Variants in LTBP1 observed in about 807,000 individuals in gnomAD.
LTBP1 encodes latent-transforming growth factor beta-binding protein 1.
LTBP1 carries 129 observed loss-of-function variants against 207.6 expected under a neutral mutation model. The observed-to-expected ratio is 0.62, with a 90% confidence interval of 0.54 to 0.72. The LOEUF (loss-of-function observed/expected upper bound fraction) is 0.72. LTBP1 is among the 30% of genes least tolerant of loss of function. The pLI is 0.00. For missense variants in LTBP1, 2,281 were observed against 2,217.2 expected, an observed-to-expected ratio of 1.03 and a Z score of -0.58; for synonymous variants, 963 against 833.7, an observed-to-expected ratio of 1.16 and a Z score of -2.67.
At chr2:33,207,235 T>G (rs2089953049) in intron 7 of LTBP1, among the ~76,000 whole-genome samples, 1 of 152,242 alleles carries the variant, frequency 6.6e-6, no homozygotes, top group African/African-American at 2.4e-5. Flanking sequence ...AAAACCATTT[T>G]TGCCTTAGTG....
chr2:33,229,216 T>G (rs1023916552), intron 9 of LTBP1, among the ~76,000 whole-genome samples: 4 of 152,186 alleles, frequency 2.6e-5, no homozygotes, highest in African/African-American at 9.7e-5. Flanking sequence ...ATGCCTGTAT[T>G]CCCAGCACTT....
chr2:33,097,515 C>T lies in LTBP1; in HGVS notation c.864-13067C>T, dbSNP rs143722475. On this transcript the variant is annotated intron_variant, in intron 3 of 33. Coordinates refer to ENST00000404816, the MANE Select transcript of LTBP1 (RefSeq NM_206943.4). The stretch of plus-strand genomic sequence containing the variant: ...TGTATGAAATACACATATCATTTTA[C>T]GCCACTGGAATACCATGTTTTTAAA... 2.6e-4 allele frequency among the ~76,000 whole-genome samples: 39 copies of T among 152,198 alleles called. 1 individual carries two copies. Among genetic ancestry groups the T allele is most frequent in the African/African-American group, 7.0e-4 (29 of 41,532 alleles).
intron 24 of LTBP1, among the ~76,000 whole-genome samples, chr2:33,319,247 A>T (rs1422394024): frequency 6.6e-6 from 1 of 151,968 alleles, no homozygotes; most frequent in Non-Finnish European, 1.5e-5. Flanking sequence ...AAAATACAAA[A>T]ATTAGCTGGG....
At chr2:33,277,599 T>TC (rs1402164929) in intron 18 of LTBP1, among the ~76,000 whole-genome samples, 1 of 151,802 alleles carries the variant, frequency 6.6e-6, no homozygotes, top group Non-Finnish European at 1.5e-5. Flanking sequence ...TCTTTAAATC[T>TC]CCCCCCATCC....
At chr2:33,110,834 G>A in intron 4 of LTBP1, 83 bp downstream of exon 4, 3 of 1,233,922 alleles carry the variant, frequency 2.4e-6, no homozygotes, top group Non-Finnish European at 3.3e-6. Flanking sequence ...CGGCTTTAAT[G>A]TGTCACAGTA....
chr2:33,015,948 C>T (rs1428847759), intron 2 of LTBP1, among the ~76,000 whole-genome samples: 1 of 152,168 alleles, frequency 6.6e-6, no homozygotes, highest in Non-Finnish European at 1.5e-5. Flanking sequence ...ATGGTGCTAA[C>T]CCATTAATGA....
chr2:32,988,612 C>A (rs219148), intron 2 of LTBP1, among the ~76,000 whole-genome samples: 1 of 151,960 alleles, frequency 6.6e-6, no homozygotes, highest in Non-Finnish European at 1.5e-5. Flanking sequence ...GAGTTCACAC[C>A]TCATGGAAAT....
intron 22 of LTBP1, among the ~76,000 whole-genome samples, chr2:33,306,434 G>A (rs1426951624): frequency 1.3e-5 from 2 of 152,150 alleles, no homozygotes; most frequent in African/African-American, 4.8e-5. Flanking sequence ...GCCGGCCGTG[G>A]TGGCAGGCGC....
intron 3 of LTBP1, among the ~76,000 whole-genome samples, chr2:33,080,927 A>G (rs763496482): frequency 6.6e-6 from 1 of 152,280 alleles, no homozygotes; most frequent in Non-Finnish European, 1.5e-5. Flanking sequence ...CTATAATAAA[A>G]GACAGGTTAA....
chr2:33,016,053 A>T (rs1277284911), intron 2 of LTBP1, among the ~76,000 whole-genome samples: 1 of 152,136 alleles, frequency 6.6e-6, no homozygotes, highest in Non-Finnish European at 1.5e-5. Flanking sequence ...ACTCATACCA[A>T]ACCCTGTCAG....
intron 7 of LTBP1, among the ~76,000 whole-genome samples, chr2:33,196,720 G>C (rs2088612092): frequency 6.6e-6 from 1 of 152,164 alleles, no homozygotes; most frequent in Admixed American, 6.5e-5. Context: ...CCTTAGCAGG[G>C]AGGATTGTGA....
Position 33,118,750 on chromosome 2 carries a change from G to A in LTBP1, c.1033+7999G>A, listed in dbSNP as rs529429643. On this transcript the variant is annotated intron_variant, in intron 4 of 33. Coordinates refer to ENST00000404816, the MANE Select transcript of LTBP1 (RefSeq NM_206943.4). ...TATTGCAAAGAAAAGTTCATGAGCAGTCTTGCCATGCACGTTATCCTGGGT... is the reference window on the plus strand; with the variant it reads ...TATTGCAAAGAAAAGTTCATGAGCAATCTTGCCATGCACGTTATCCTGGGT... Among the ~76,000 whole-genome samples the A allele has an allele frequency of 2.0e-5, 3 of 152,314 alleles. No individual in the cohort carries two copies. The East Asian group carries it at 5.8e-4, about 29-fold the overall frequency.
intron 2 of LTBP1, among the ~76,000 whole-genome samples, chr2:32,972,122 T>TG (rs1680971919): frequency 1.5e-5 from 2 of 134,082 alleles, no homozygotes; most frequent in South Asian, 2.6e-4. Flanking sequence ...TTTTTGTTTT[T>TG]TTTTTTCTGT....
At chr2:33,261,723 G>C (rs2093015585) in intron 13 of LTBP1, among the ~76,000 whole-genome samples, 1 of 152,210 alleles carries the variant, frequency 6.6e-6, no homozygotes, top group South Asian at 2.1e-4. Flanking sequence ...GGAAGGGTAG[G>C]CTGGAGGTAT....
At chr2:33,073,269 G>T (rs998086577) in intron 3 of LTBP1, among the ~76,000 whole-genome samples, 2 of 128,438 alleles carry the variant, frequency 1.6e-5, no homozygotes, top group African/African-American at 5.4e-5. Flanking sequence ...ACAGAATGAT[G>T]TCACAGTGTT....
intron 3 of LTBP1, among the ~76,000 whole-genome samples, chr2:33,110,371 C>A (rs1275707424): frequency 6.6e-6 from 1 of 152,158 alleles, no homozygotes; most frequent in African/African-American, 2.4e-5. Context: ...CAGGCAGGAT[C>A]TTTTTCGTGA....
At chr2:33,015,226 G>A (rs219184) in intron 2 of LTBP1, among the ~76,000 whole-genome samples, 133,318 of 152,208 alleles carry the variant, frequency 0.88, 60,890 homozygotes, top group East Asian at 1. Context: ...AAATGTCACT[G>A]CAGACTTTGT....
intron 19 of LTBP1, 63 bp downstream of exon 19, chr2:33,280,221 G>A (rs1422491689): frequency 1.3e-6 from 2 of 1,513,186 alleles, no homozygotes; most frequent in African/African-American, 2.8e-5. Flanking sequence ...TTCTGATAGA[G>A]TGGTGTAATG....
At chr2:33,148,986 A>G (rs912544782) in intron 5 of LTBP1, among the ~76,000 whole-genome samples, 2 of 152,128 alleles carry the variant, frequency 1.3e-5, no homozygotes, top group Non-Finnish European at 2.9e-5. Flanking sequence ...AGGCCGAGGT[A>G]GGCGGATCAC....
Sources: allele counts gnomAD v4.1 joint callset (sites outside exome capture counted in the v4.1 genomes callset), GRCh38; gene constraint gnomAD v4.1.1; transcripts MANE v1.5; gene names NCBI Gene and HGNC (gene_info 2026-07-23, HGNC 2026-07-21).